The following SORCS1 variants were observed in gnomAD, a reference collection of about 807,000 sequenced individuals.
SORCS1 encodes the protein sortilin related VPS10 domain containing receptor 1.
Under a neutral mutation model 146.1 loss-of-function variants are expected in SORCS1, and 60 were observed. The observed-to-expected ratio is 0.41, with a 90% CI of 0.33 to 0.51. The LOEUF (loss-of-function observed/expected upper bound fraction) is 0.51. SORCS1 is among the 20% of genes least tolerant of loss of function. SORCS1 has a pLI of 0.21. For missense variants in SORCS1, 1,352 were observed against 1,487.6 expected (o/e 0.91, Z 1.50); for synonymous variants, 637 against 584.0 (o/e 1.09, Z -1.31).
At chr10:106,757,881 C>T (rs1858773534) in intron 5 of SORCS1, among the ~76,000 whole-genome samples, 1 of 152,128 alleles carries the variant, frequency 6.6e-6, no homozygotes, top group South Asian at 2.1e-4. Flanking sequence ...GTAACTTTAG[C>T]CAAATTACTT....
At chr10:106,966,043 T>C (rs1046073738) in intron 1 of SORCS1, among the ~76,000 whole-genome samples, 1 of 152,200 alleles carries the variant, frequency 6.6e-6, no homozygotes, top group African/African-American at 2.4e-5. Flanking sequence ...CCATTTAAAT[T>C]ACTGGAGAAC....
At chr10:107,150,297 G>T (rs1384744155) in intron 1 of SORCS1, among the ~76,000 whole-genome samples, 1 of 152,214 alleles carries the variant, frequency 6.6e-6, no homozygotes, top group Non-Finnish European at 1.5e-5. Flanking sequence ...TAAAAGGAAA[G>T]GTTAAAAGTT....
intron 5 of SORCS1, among the ~76,000 whole-genome samples, chr10:106,748,491 C>T (rs997215374): frequency 6.6e-6 from 1 of 151,964 alleles, no homozygotes; most frequent in African/African-American, 2.4e-5. Flanking sequence ...CATCTCTCTC[C>T]CTCTCCTCAG....
At chr10:107,167,207 T>A (rs1970074817), upstream of SORCS1, among the ~76,000 whole-genome samples, 1 of 152,240 alleles carries the variant, frequency 6.6e-6, no homozygotes, top group Non-Finnish European at 1.5e-5. Flanking sequence ...CTGCTCCCCG[T>A]TTACTTTTGC....
chr10:107,075,834 T>C (rs575812557), intron 1 of SORCS1, among the ~76,000 whole-genome samples: 2 of 152,218 alleles, frequency 1.3e-5, no homozygotes, highest in Admixed American at 1.3e-4. Context: ...TGAATTCAAT[T>C]TTCTGCTCTT....
At chr10:106,586,232 G>T (rs1326024595) in intron 24 of SORCS1, among the ~76,000 whole-genome samples, 2 of 152,116 alleles carry the variant, frequency 1.3e-5, no homozygotes, top group African/African-American at 2.4e-5. Context: ...TATTTTCAAA[G>T]ATAAGACACT....
intron 1 of SORCS1, among the ~76,000 whole-genome samples, chr10:107,009,349 C>T (rs1957591750): frequency 6.6e-6 from 1 of 152,182 alleles, no homozygotes; most frequent in Non-Finnish European, 1.5e-5. Flanking sequence ...ATATACTGTT[C>T]ACAAATCACA....
At chr10:106,908,171 G>T (rs1414154097) in intron 2 of SORCS1, among the ~76,000 whole-genome samples, 7 of 152,108 alleles carry the variant, frequency 4.6e-5, no homozygotes, top group Non-Finnish European at 7.4e-5. Flanking sequence ...CTAAATGGCA[G>T]CTGATATAGT....
At chr10:107,085,472 C>T (rs1281493001) in intron 1 of SORCS1, among the ~76,000 whole-genome samples, 1 of 152,140 alleles carries the variant, frequency 6.6e-6, no homozygotes, top group Non-Finnish European at 1.5e-5. Flanking sequence ...TTGCAGCTTG[C>T]CTTTTATGGA....
intron 2 of SORCS1, among the ~76,000 whole-genome samples, chr10:106,849,843 C>T (rs1206115913): frequency 3.5e-4 from 53 of 151,898 alleles, no homozygotes; most frequent in Admixed American, 6.6e-4. Context: ...GAATACCCTG[C>T]CCTGTGAGGT....
At position 107,060,118 on chromosome 10, in the gene SORCS1, C is replaced by T. The variant is rs191734867; in HGVS notation, c.559-103538G>A. ...AGCTGACAAATCGCCTGCCAGACCT[C>T]ATCACACACACACACACACAGTATC... On this transcript the variant is annotated intron_variant, in intron 1 of 25. Transcript: ENST00000263054. The surrounding 1 kb of genome is among the most constrained non-coding windows in gnomAD (Gnocchi z 4.1). Among the ~76,000 whole-genome samples the T allele has an allele frequency of 1.3e-5, 2 of 151,802 alleles. No homozygotes were observed. The highest frequency in any genetic ancestry group is 4.8e-5 in the African/African-American group (2 of 41,402).
chr10:106,766,155 C>G (rs1182044674), intron 4 of SORCS1, among the ~76,000 whole-genome samples: 2 of 152,164 alleles, frequency 1.3e-5, no homozygotes, highest in Admixed American at 1.3e-4. Context: ...GCTGTCGGCT[C>G]TTTTCAAGGT....
intron 1 of SORCS1, among the ~76,000 whole-genome samples, chr10:107,125,937 T>C (rs1419132337): frequency 6.6e-6 from 1 of 152,216 alleles, no homozygotes; most frequent in Non-Finnish European, 1.5e-5. Flanking sequence ...TAAATTGGAA[T>C]GTCCTTCCTT....
At chr10:106,660,144 A>G (rs908383708) in intron 17 of SORCS1, among the ~76,000 whole-genome samples, 2 of 152,240 alleles carry the variant, frequency 1.3e-5, no homozygotes, top group Non-Finnish European at 2.9e-5. Context: ...CAAGGCAACC[A>G]AAACAGAATC....
At position 107,074,039 on chromosome 10, in the gene SORCS1, ACATCGTCAT is replaced by A. The variant is rs374088199; in HGVS notation, c.558+89921_558+89929del. ...TTACAACTGATGAACCCACATTGAC[ACATCGTCAT>A]CACCCAGAGTACAAAGTTTACATTG... On this transcript the variant is annotated intron_variant, in intron 1 of 25. Coordinates refer to ENST00000263054, the MANE Select transcript of SORCS1 (RefSeq NM_052918.5). Among the ~76,000 whole-genome samples the A allele has an allele frequency of 5.5e-3, 842 of 152,312 alleles. 3 individuals are homozygous for A. Among genetic ancestry groups the A allele is most frequent in the African/African-American group, 0.019 (809 of 41,566 alleles).
intron 2 of SORCS1, among the ~76,000 whole-genome samples, chr10:106,839,150 A>G (rs1200083183): frequency 6.6e-6 from 1 of 152,186 alleles, no homozygotes; most frequent in African/African-American, 2.4e-5. Context: ...TGCATTAAAT[A>G]AAAAGCTACA....
At chr10:106,869,566 A>G (rs1271131082) in intron 2 of SORCS1, among the ~76,000 whole-genome samples, 1 of 152,238 alleles carries the variant, frequency 6.6e-6, no homozygotes, top group Non-Finnish European at 1.5e-5. Context: ...GTGATTCATC[A>G]CATAAATAGA....
intron 1 of SORCS1, among the ~76,000 whole-genome samples, chr10:107,023,077 G>A (rs747266702): frequency 7.5e-4 from 114 of 152,212 alleles, no homozygotes; most frequent in Non-Finnish European, 1.4e-3. Flanking sequence ...TAGAGAGGGA[G>A]TCATAACAAC....
chr10:106,944,025 A>G (rs1378854011), intron 2 of SORCS1, among the ~76,000 whole-genome samples: 1 of 152,002 alleles, frequency 6.6e-6, no homozygotes, highest in Non-Finnish European at 1.5e-5. Context: ...AATCTATTAA[A>G]ATCACCCCCA....
Sources: gnomAD v4.1 joint callset for allele counts (sites outside exome capture counted in the v4.1 genomes callset) on GRCh38, gnomAD v4.1.1 for gene constraint, Gnocchi (gnomAD v3.1) non-coding constraint, MANE v1.5 for transcripts, NCBI Gene and HGNC (gene_info 2026-07-23, HGNC 2026-07-21) for gene names.